Variants in FRMD3 observed in about 807,000 individuals in gnomAD.
FRMD3 encodes FERM domain containing 3, also known as FERM domain-containing protein 3.
In FRMD3, 33 loss-of-function variants were observed where a neutral mutation model predicts 70.2. The observed-to-expected ratio is 0.47, with a 90% CI of 0.36 to 0.63. The LOEUF (loss-of-function observed/expected upper bound fraction) is 0.63. Among genes scored for constraint, FRMD3 ranks in the 20% least tolerant of loss-of-function variants. FRMD3 has a pLI of 0.00. For missense variants in FRMD3, 632 were observed against 711.4 expected (o/e 0.89, Z 1.27); for synonymous variants, 279 against 255.9 (o/e 1.09, Z -0.86).
chr9:83,570,249 A>T, the FRMD3 span, among the ~76,000 whole-genome samples: 1 of 152,356 alleles, frequency 6.6e-6, no homozygotes, highest in Non-Finnish European at 1.5e-5. Flanking sequence ...ACTTATAACC[A>T]GAATACATAA....
chr9:83,297,789 G>A (rs1385882966), intron 12 of FRMD3: 4 of 471,656 alleles, frequency 8.5e-6, no homozygotes, highest in African/African-American at 2.0e-5. Flanking sequence ...TCACCCCAAA[G>A]CAGGAACAAA....
At chr9:83,366,729 T>C (rs1424838306) in intron 3 of FRMD3, among the ~76,000 whole-genome samples, 1 of 152,254 alleles carries the variant, frequency 6.6e-6, no homozygotes, top group Non-Finnish European at 1.5e-5. Flanking sequence ...AGTCATAGTG[T>C]GTAACTTTAA....
chr9:83,312,189 G>A (rs1267378720), intron 7 of FRMD3, among the ~76,000 whole-genome samples: 1 of 152,162 alleles, frequency 6.6e-6, no homozygotes, highest in African/African-American at 2.4e-5. Context: ...TTCCCTTTGA[G>A]GAGCGGACCT....
At chr9:83,543,334 GT>G (rs936614528), upstream of FRMD3, among the ~76,000 whole-genome samples, 2 of 152,086 alleles carry the variant, frequency 1.3e-5, no homozygotes, top group African/African-American at 4.8e-5. Context: ...AAGTGGGGAT[GT>G]TTTGGGTTGC....
intron 2 of FRMD3, among the ~76,000 whole-genome samples, chr9:83,374,781 C>T (rs777275841): frequency 2.6e-5 from 4 of 151,908 alleles, no homozygotes; most frequent in Admixed American, 1.3e-4. Flanking sequence ...ATTGGTAGAC[C>T]GCATCTTTCA....
chr9:83,488,118 T>A (rs529267503), intron 1 of FRMD3, among the ~76,000 whole-genome samples: 1 of 152,286 alleles, frequency 6.6e-6, no homozygotes, highest in African/African-American at 2.4e-5. Flanking sequence ...TATATACTCC[T>A]TTGGCCTCCT....
In FRMD3 at chr9:83,389,616, T is replaced by A; in HGVS notation, c.240A>T (p.Pro80=). ...KDYFGIRYVD[P]EKQRHWLEPN... is the part of the protein sequence containing the mutation. ...AATCAGCTCTTACCCTTTGCTTCTC[T>A]GGGTCCACATAGCGAATGCCAAAGT... The change falls in exon 2 of 14, where the codon CCA becomes CCT. Residue 80 remains proline, a synonymous_variant. Coordinates refer to ENST00000304195, the MANE Select transcript of FRMD3 (RefSeq NM_174938.6). 1 of 1,612,764 alleles carries A rather than the reference T, an allele frequency of 6.2e-7. No individual in the cohort carries two copies. The highest frequency in any genetic ancestry group is 8.5e-7 in the Non-Finnish European group (1 of 1,178,748).
At chr9:83,530,282 T>C (rs1333470274) in intron 1 of FRMD3, among the ~76,000 whole-genome samples, 1 of 152,202 alleles carries the variant, frequency 6.6e-6, no homozygotes, top group Non-Finnish European at 1.5e-5. Flanking sequence ...ATCTATGCAA[T>C]GGACTGGACT....
intron 1 of FRMD3, among the ~76,000 whole-genome samples, chr9:83,430,032 T>C (rs1826925459): frequency 6.6e-6 from 1 of 152,220 alleles, no homozygotes; most frequent in Non-Finnish European, 1.5e-5. Flanking sequence ...ATGAACTCCT[T>C]TGTTCCCCCA....
In FRMD3 at chr9:83,247,947, G is replaced by A. The variant is rs762627691; in HGVS notation, c.1765C>T (p.Leu589Phe). 6.2e-7 allele frequency: 1 copy of A among 1,614,150 alleles called. No homozygotes were observed. The highest frequency in any genetic ancestry group is 1.1e-5 in the South Asian group (1 of 91,068). ...GAGCAACCCAGCATGTAGAGGATGA[G>A]GTGGACTTTCCCAGCCACCCACTCC... Reference protein sequence around the residue: ...LKEWVAGKVHLILYMLGCS With the variant: ...LKEWVAGKVHFILYMLGCS Residue 589 changes from leucine (L) to phenylalanine (F), a missense_variant, in exon 14 of 14, where the codon CTC becomes TTC. By Grantham distance (22) the Leu-to-Phe change is conservative (BLOSUM62 0). Around this residue, in one of 3 missense-constraint regions of FRMD3, gnomAD observed 418 missense variants for 442.1 expected, o/e 0.95. Coordinates refer to ENST00000304195, the MANE Select transcript of FRMD3 (RefSeq NM_174938.6).
At chr9:83,530,400 T>G (rs1050375153) in intron 1 of FRMD3, among the ~76,000 whole-genome samples, 15 of 152,192 alleles carry the variant, frequency 9.9e-5, no homozygotes, top group African/African-American at 3.4e-4. Context: ...GTTCACATAT[T>G]TTATGATTCC....
intron 13 of FRMD3, among the ~76,000 whole-genome samples, chr9:83,251,535 G>T (rs1391931421): frequency 3.3e-5 from 5 of 152,178 alleles, no homozygotes; most frequent in African/African-American, 9.7e-5. Context: ...ATTGACAGAA[G>T]TAGGCTTCAG....
intron 1 of FRMD3, among the ~76,000 whole-genome samples, chr9:83,494,397 G>A (rs140417045): frequency 0.012 from 1,877 of 152,234 alleles, 37 homozygotes; most frequent in African/African-American, 0.043. Context: ...TAATATGCTT[G>A]AAGTTCATGC....
chr9:83,357,393 A>G (rs544011753), intron 3 of FRMD3, among the ~76,000 whole-genome samples: 1 of 149,596 alleles, frequency 6.7e-6, no homozygotes, highest in East Asian at 2.0e-4. Context: ...ATGCGTGTGC[A>G]AGTATCTCTT....
the FRMD3 span, among the ~76,000 whole-genome samples, chr9:83,550,501 T>C: frequency 6.6e-6 from 1 of 152,194 alleles, no homozygotes; most frequent in Non-Finnish European, 1.5e-5. Flanking sequence ...GGTAGTTTGA[T>C]AGAAATAGTA....
chr9:83,507,409 T>C (rs1285385410), intron 1 of FRMD3, among the ~76,000 whole-genome samples: 1 of 140,146 alleles, frequency 7.1e-6, no homozygotes, highest in Admixed American at 7.4e-5. Flanking sequence ...GGCTCACGCC[T>C]GTAATCCCAG....
At chr9:83,257,928 A>T (rs970953580) in intron 13 of FRMD3, among the ~76,000 whole-genome samples, 1 of 152,224 alleles carries the variant, frequency 6.6e-6, no homozygotes, top group African/African-American at 2.4e-5. Flanking sequence ...ACACTCAATA[A>T]TGTTAACTAA....
At chr9:83,487,492 T>C (rs1200188168) in intron 1 of FRMD3, among the ~76,000 whole-genome samples, 2 of 152,204 alleles carry the variant, frequency 1.3e-5, no homozygotes, top group East Asian at 1.9e-4. Flanking sequence ...TCTGAAGCCA[T>C]AGGTGGGATG....
the FRMD3 span, among the ~76,000 whole-genome samples, chr9:83,569,299 T>C: frequency 2.0e-5 from 3 of 152,182 alleles, no homozygotes; most frequent in Non-Finnish European, 4.4e-5. Flanking sequence ...GGAAGAAAAT[T>C]TACCTTAGAT....
Sources: gnomAD v4.1 joint callset for allele counts (sites outside exome capture counted in the v4.1 genomes callset) on GRCh38, gnomAD v4.1.1 for gene constraint, gnomAD v4.1.1 regional missense constraint, MANE v1.5 for transcripts, NCBI Gene and HGNC (gene_info 2026-07-23, HGNC 2026-07-21) for gene names.